Variants in ANKRD6 observed in about 807,000 individuals in gnomAD.
The protein encoded by ANKRD6 is ankyrin repeat domain 6.
ANKRD6 carries 56 observed loss-of-function variants against 82.3 expected under a neutral mutation model. The ratio of observed to expected loss-of-function variants is 0.68; its 90% CI spans 0.55 to 0.85. ANKRD6 has a LOEUF of 0.85. Ranked by LOEUF, ANKRD6 falls within the 40% of genes least tolerant of loss-of-function variation. The pLI is 0.00. For synonymous variants in ANKRD6, 347 were observed against 352.1 expected, an observed-to-expected ratio of 0.99 and a Z score of 0.16; for missense variants, 852 against 907.6, an observed-to-expected ratio of 0.94 and a Z score of 0.79.
chr6:89,600,454 C>T (rs1261542206), intron 3 of ANKRD6, among the ~76,000 whole-genome samples: 1 of 152,142 alleles, frequency 6.6e-6, no homozygotes, highest in African/African-American at 2.4e-5. Flanking sequence ...ATGAACAATA[C>T]AGAGTGATAA....
chr6:89,454,119 G>A (rs955870527), intron 1 of ANKRD6, among the ~76,000 whole-genome samples: 3 of 152,064 alleles, frequency 2.0e-5, no homozygotes, highest in South Asian at 2.1e-4. Context: ...CCTTTAATGC[G>A]AAGTTTTTGC....
intron 1 of ANKRD6, among the ~76,000 whole-genome samples, chr6:89,524,541 C>T (rs1782237401): frequency 1.3e-5 from 2 of 152,062 alleles, no homozygotes; most frequent in Non-Finnish European, 2.9e-5. Context: ...GAGTTGTATT[C>T]AGTATTTTAT....
At position 89,433,458 on chromosome 6, in the gene ANKRD6, G is replaced by A. The variant is rs1218172819; in HGVS notation, c.-144+83G>A. 1 of 152,178 alleles carries A rather than the reference G, an allele frequency of 6.6e-6. No homozygotes were observed. Among genetic ancestry groups the A allele is most frequent in the Non-Finnish European group, 1.5e-5 (1 of 68,040 alleles). The allele number at this position is 152,178 out of a possible 1,614,324, so 9.4% of individuals were successfully genotyped here. On this transcript the variant is annotated intron_variant, in intron 1 of 15. Coordinates refer to ENST00000339746, the MANE Select transcript of ANKRD6 (RefSeq NM_001242809.2). This position sits in a 1 kb window ranked among gnomAD's most constrained non-coding sequence, Gnocchi z 4.3. ...CAGGTCGGGGAGGACGCTGTCGGGG[G>A]AAGGGGGCGCTGCTCCCTCGGCACC...
In ANKRD6 at chr6:89,623,900, C is replaced by T. The variant is rs774873199; in HGVS notation, c.1061C>T (p.Pro354Leu). The T allele has an allele frequency of 1.2e-6, 2 of 1,613,738 alleles. No individual in the cohort carries two copies. The highest frequency in any genetic ancestry group is 3.3e-5 in the Admixed American group (2 of 59,996). Residue 354 changes from proline (P) to leucine (L), a missense_variant, in exon 12 of 16, where the codon CCA (proline) becomes CTA (leucine). Coordinates refer to ENST00000339746, the MANE Select transcript of ANKRD6 (RefSeq NM_001242809.2). ...KVSAFSDPTP[P>L]ADQQPGHQKN... is the part of the protein sequence containing the mutation. Reference sequence around the variant, plus strand: ...TCAGCATTTTCTGACCCCACCCCACCAGCCGACCAACAGCCTGGACACCAG... The same window carrying T: ...TCAGCATTTTCTGACCCCACCCCACTAGCCGACCAACAGCCTGGACACCAG...
intron 1 of ANKRD6, among the ~76,000 whole-genome samples, chr6:89,459,846 G>T (rs1028377212): frequency 6.6e-6 from 1 of 152,112 alleles, no homozygotes; most frequent in Middle Eastern, 3.4e-3. Context: ...ATAAGGAGAC[G>T]TATCAGGCTC....
chr6:89,496,200 G>A (rs1778605501), intron 1 of ANKRD6, among the ~76,000 whole-genome samples: 1 of 149,010 alleles, frequency 6.7e-6, no homozygotes, highest in East Asian at 2.0e-4. Context: ...CATAATTAAA[G>A]TACTTAGGAA....
chr6:89,602,423 A>G (rs1179947698), intron 3 of ANKRD6: 1 of 152,262 alleles, frequency 6.6e-6, no homozygotes, highest in South Asian at 2.1e-4. Flanking sequence ...AGCATAAATC[A>G]GTGAGGATGT....
chr6:89,562,197 G>T (rs984712639), intron 1 of ANKRD6, among the ~76,000 whole-genome samples: 1 of 152,202 alleles, frequency 6.6e-6, no homozygotes. Context: ...TTCTGAAGGG[G>T]CTCAGTTCCC....
intron 1 of ANKRD6, among the ~76,000 whole-genome samples, chr6:89,522,868 A>G (rs2127972588): frequency 6.6e-6 from 1 of 152,316 alleles, no homozygotes; most frequent in South Asian, 2.1e-4. Flanking sequence ...ACCAACAGCC[A>G]GAGCATAAAG....
chr6:89,538,242 A>G (rs762571423), intron 1 of ANKRD6, among the ~76,000 whole-genome samples: 1 of 151,868 alleles, frequency 6.6e-6, no homozygotes, highest in Non-Finnish European at 1.5e-5. Flanking sequence ...TCCCCTTGCA[A>G]TTTTCTGTTT....
intron 1 of ANKRD6, among the ~76,000 whole-genome samples, chr6:89,497,627 T>G (rs1778785061): frequency 6.6e-6 from 1 of 152,210 alleles, no homozygotes; most frequent in African/African-American, 2.4e-5. Flanking sequence ...AAGTGTAGTA[T>G]TAGCAAATAA....
At chr6:89,585,584 G>A (rs1440483161) in intron 2 of ANKRD6, among the ~76,000 whole-genome samples, 2 of 152,158 alleles carry the variant, frequency 1.3e-5, no homozygotes, top group African/African-American at 4.8e-5. Context: ...AGGAAATATT[G>A]GAAACACGAT....
At position 89,456,464 on chromosome 6, in the gene ANKRD6, C is replaced by T. The variant is rs939547071; in HGVS notation, c.-144+23089C>T. On this transcript the variant is annotated intron_variant, in intron 1 of 15. Coordinates refer to ENST00000339746, the MANE Select transcript of ANKRD6 (RefSeq NM_001242809.2). ...AGGCCTCTTTGGCTTCAGATGGCCA[C>T]CTTCTCTCTGTGTTCTCACTTGGTC... 2.0e-5 allele frequency among the ~76,000 whole-genome samples: 3 copies of T among 152,166 alleles called. No individual in the cohort carries two copies. The South Asian group carries it at 6.2e-4, about 32-fold the overall frequency.
intron 1 of ANKRD6, among the ~76,000 whole-genome samples, chr6:89,483,980 A>C (rs1304418061): frequency 2.0e-5 from 3 of 151,936 alleles, no homozygotes; most frequent in Admixed American, 2.0e-4. Context: ...CAGTGGTGCA[A>C]TCTTGGCTCA....
intron 1 of ANKRD6, among the ~76,000 whole-genome samples, chr6:89,508,593 C>T (rs1053211936): frequency 6.6e-6 from 1 of 152,082 alleles, no homozygotes; most frequent in Admixed American, 6.6e-5. Context: ...TTTAATGGCT[C>T]CTAAAGGGAG....
At chr6:89,439,480 C>T (rs1056984646) in intron 1 of ANKRD6, among the ~76,000 whole-genome samples, 1 of 152,018 alleles carries the variant, frequency 6.6e-6, no homozygotes, top group Non-Finnish European at 1.5e-5. Context: ...TAAATTTGTG[C>T]CCAAGAGGGT....
chr6:89,588,882 G>A (rs1562941373), intron 2 of ANKRD6, among the ~76,000 whole-genome samples: 1 of 150,742 alleles, frequency 6.6e-6, no homozygotes. Flanking sequence ...GTGCACGCCT[G>A]TAGTCCCAGC....
At chr6:89,488,956 A>G (rs1057377836) in intron 1 of ANKRD6, among the ~76,000 whole-genome samples, 8 of 150,636 alleles carry the variant, frequency 5.3e-5, no homozygotes, top group African/African-American at 2.0e-4. Flanking sequence ...CTTGTGACCT[A>G]TTAACTTATT....
intron 1 of ANKRD6, among the ~76,000 whole-genome samples, chr6:89,488,726 C>T (rs1400076523): frequency 6.6e-6 from 1 of 152,128 alleles, no homozygotes; most frequent in Non-Finnish European, 1.5e-5. Context: ...TGATTGAATA[C>T]TTGACTCATT....
Sources: gnomAD v4.1 joint callset for allele counts (sites outside exome capture counted in the v4.1 genomes callset) on GRCh38, gnomAD v4.1.1 for gene constraint, Gnocchi (gnomAD v3.1) non-coding constraint, MANE v1.5 for transcripts, NCBI Gene and HGNC (gene_info 2026-07-23, HGNC 2026-07-21) for gene names.